Variants in ATP8A2 observed in about 807,000 individuals in gnomAD.
ATP8A2 encodes phospholipid-transporting ATPase IB.
ATP8A2 carries 100 observed loss-of-function variants against 165.6 expected under a neutral mutation model. The ratio of observed to expected loss-of-function variants is 0.60; its 90% CI spans 0.51 to 0.71. ATP8A2 has a LOEUF of 0.71. Ranked by LOEUF, ATP8A2 falls within the 30% of genes least tolerant of loss-of-function variation. The pLI is 0.00. For synonymous variants in ATP8A2, 543 were observed against 548.8 expected (o/e 0.99, Z 0.15); for missense variants, 1,227 against 1,479.5 (o/e 0.83, Z 2.80).
At chr13:25,779,793 T>C (rs1310750234) in intron 27 of ATP8A2, among the ~76,000 whole-genome samples, 1 of 152,130 alleles carries the variant, frequency 6.6e-6, no homozygotes, top group Non-Finnish European at 1.5e-5. Context: ...ATGTTGACAA[T>C]GGGAGGAATT....
intron 33 of ATP8A2, among the ~76,000 whole-genome samples, chr13:25,946,982 A>G (rs1955231044): frequency 6.6e-6 from 1 of 152,162 alleles, no homozygotes. Flanking sequence ...TTCTGGCCTC[A>G]GGTGATCCAC....
chr13:25,815,244 T>TGGAATG (rs1264594329), intron 27 of ATP8A2, among the ~76,000 whole-genome samples: 4 of 152,162 alleles, frequency 2.6e-5, no homozygotes, highest in Admixed American at 2.6e-4. Context: ...AAAGATTCTA[T>TGGAATG]CAACAGAGTG....
chr13:25,528,777 C>CATATGCAACATGTGTATGCAT (rs1566224711), intron 2 of ATP8A2, among the ~76,000 whole-genome samples: 299 of 66,818 alleles, frequency 4.5e-3, no homozygotes, highest in African/African-American at 0.014. Context: ...TGTGTATGCA[C>CATATGCAACATGTGTATGCAT]ACATATGCAA....
chr13:25,897,075 T>G (rs1415929753), intron 33 of ATP8A2, among the ~76,000 whole-genome samples: 2 of 152,214 alleles, frequency 1.3e-5, no homozygotes, highest in East Asian at 3.8e-4. Context: ...ATCCTGTCAT[T>G]ATGATGTTAG....
At chr13:25,978,556 C>A (rs1244861772) in intron 35 of ATP8A2, among the ~76,000 whole-genome samples, 1 of 151,976 alleles carries the variant, frequency 6.6e-6, no homozygotes, top group Non-Finnish European at 1.5e-5. Context: ...GACTCCCAGG[C>A]CCCCCAGCAT....
intron 1 of ATP8A2, among the ~76,000 whole-genome samples, chr13:25,393,982 AT>A (rs1266312983): frequency 6.6e-6 from 1 of 152,170 alleles, no homozygotes; most frequent in East Asian, 1.9e-4. Flanking sequence ...AAACAGGAAT[AT>A]TATCTTAGGA....
chr13:25,448,243 A>G (rs2035121995), intron 1 of ATP8A2, among the ~76,000 whole-genome samples: 1 of 152,214 alleles, frequency 6.6e-6, no homozygotes. Flanking sequence ...ACAATAAATT[A>G]TTGTTAACTA....
chr13:25,554,373 A>G (rs1021089687), intron 12 of ATP8A2, among the ~76,000 whole-genome samples: 1 of 152,158 alleles, frequency 6.6e-6, no homozygotes, highest in African/African-American at 2.4e-5. Context: ...AGCAGCCAGT[A>G]TTTGTAGACC....
intron 1 of ATP8A2, among the ~76,000 whole-genome samples, chr13:25,413,079 A>T (rs909053232): frequency 1.3e-5 from 2 of 152,036 alleles, no homozygotes; most frequent in Non-Finnish European, 2.9e-5. Context: ...CGATCTCCCA[A>T]AGTGCTGGGA....
intron 33 of ATP8A2, among the ~76,000 whole-genome samples, chr13:25,954,424 G>C (rs1359534825): frequency 6.6e-6 from 1 of 152,240 alleles, no homozygotes; most frequent in Non-Finnish European, 1.5e-5. Flanking sequence ...GCAGCTGTGA[G>C]CACAGCTTCA....
chr13:25,722,227 C>A (rs1010104423), intron 25 of ATP8A2, among the ~76,000 whole-genome samples: 5 of 152,146 alleles, frequency 3.3e-5, no homozygotes, highest in African/African-American at 1.2e-4. Flanking sequence ...TGCAGTAATA[C>A]CCTCTGCTCC....
intron 27 of ATP8A2, among the ~76,000 whole-genome samples, chr13:25,802,457 A>T (rs1950641301): frequency 6.6e-6 from 1 of 152,242 alleles, no homozygotes; most frequent in African/African-American, 2.4e-5. Flanking sequence ...TATTTTAATT[A>T]GGAAATACAG....
In ATP8A2 at chr13:25,769,207, A is replaced by C; in HGVS notation, c.2546A>C (p.Asn849Thr). Residue 849 changes from asparagine (N) to threonine (T), a missense_variant, in exon 26 of 37, where the codon AAC becomes ACC. Coordinates refer to ENST00000381655, the MANE Select transcript of ATP8A2 (RefSeq NM_016529.6). ...AATGAAGGCATGCAGGCCACCAACA[A>C]CTCGGATTACGCCATCGCACAGGTC... ...SGNEGMQATN[N>T]SDYAIAQFSY... 6.2e-7 allele frequency: 1 copy of C among 1,612,616 alleles called. No homozygotes were observed.
In ATP8A2 at chr13:25,581,929, A is replaced by G. The variant is rs2039788519; in HGVS notation, c.2118A>G (p.Gly706=). The G allele has an allele frequency of 2.5e-6, 4 of 1,612,086 alleles. No homozygotes were observed. The highest frequency in any genetic ancestry group is 3.4e-5 in the Admixed American group (2 of 59,682). The stretch of plus-strand genomic sequence containing the variant: ...AAATTAAAATATGGGTGTTGACAGG[A>G]GACAAACAAGAAACTGCGATTAATA... ...KAEIKIWVLT[G]DKQETAINIG... The change falls in exon 23 of 37, where the codon GGA becomes GGG. Residue 706 remains glycine, a synonymous_variant. Transcript: ENST00000381655.
At chr13:25,751,055 G>C (rs1334861917) in intron 25 of ATP8A2, among the ~76,000 whole-genome samples, 1 of 152,162 alleles carries the variant, frequency 6.6e-6, no homozygotes, top group Non-Finnish European at 1.5e-5. Context: ...CCATTTTCCT[G>C]ATAAAATTTA....
chr13:25,721,149 G>A (rs2043372851), intron 25 of ATP8A2, among the ~76,000 whole-genome samples: 1 of 151,344 alleles, frequency 6.6e-6, no homozygotes, highest in Admixed American at 6.6e-5. Flanking sequence ...TATTTGGTAG[G>A]GATAAGGGTC....
At chr13:25,434,427 C>T (rs1019405619) in intron 1 of ATP8A2, among the ~76,000 whole-genome samples, 2 of 152,100 alleles carry the variant, frequency 1.3e-5, no homozygotes, top group African/African-American at 4.8e-5. Context: ...TGGCTCACTG[C>T]AACCTCTGCC....
intron 33 of ATP8A2, among the ~76,000 whole-genome samples, chr13:25,896,244 A>T (rs1032662903): frequency 1.3e-5 from 2 of 152,082 alleles, no homozygotes; most frequent in Admixed American, 6.5e-5. Context: ...CTTTGTTCTC[A>T]TTGGTTTCAA....
At chr13:25,769,834 G>C (rs1003617382) in intron 26 of ATP8A2, among the ~76,000 whole-genome samples, 1 of 152,166 alleles carries the variant, frequency 6.6e-6, no homozygotes, top group Non-Finnish European at 1.5e-5. Context: ...CCTGCAGTTA[G>C]GCCAAGTTCA....
Sources: allele counts gnomAD v4.1 joint callset (sites outside exome capture counted in the v4.1 genomes callset), GRCh38; gene constraint gnomAD v4.1.1; transcripts MANE v1.5; gene names NCBI Gene and HGNC (gene_info 2026-07-23, HGNC 2026-07-21).